Variants in STAB2 observed in about 807,000 individuals in gnomAD.
The protein encoded by STAB2 is stabilin 2.
In STAB2, 288 loss-of-function variants were observed where a neutral mutation model predicts 338.1. The observed-to-expected ratio is 0.85, with a 90% CI of 0.77 to 0.94. The LOEUF is 0.94. Ranked by LOEUF, STAB2 falls within the 40% of genes least tolerant of loss-of-function variation. The pLI, the probability that STAB2 is intolerant of heterozygous loss-of-function variation, is 0.00. For synonymous variants in STAB2, 1,202 were observed against 1,193.3 expected (o/e 1.01, Z -0.15); for missense variants, 3,141 against 3,210.1 (o/e 0.98, Z 0.52).
intron 50 of STAB2, among the ~76,000 whole-genome samples, 176 bp downstream of exon 50, chr12:103,731,811 T>A (rs1294241514): frequency 1.3e-5 from 2 of 152,216 alleles, no homozygotes; most frequent in Non-Finnish European, 2.9e-5. Flanking sequence ...CTTCTTAGAA[T>A]GTTATATGGC....
chr12:103,689,870 T>G lies in STAB2; in HGVS notation c.3070T>G (p.Ser1024Ala). 6.2e-7 allele frequency: 1 copy of G among 1,614,112 alleles called. No individual in the cohort carries two copies. The highest frequency in any genetic ancestry group is 8.5e-7 in the Non-Finnish European group (1 of 1,179,990). Residue 1024 changes from serine (S) to alanine (A), a missense_variant, in exon 29 of 69, where the codon TCA becomes GCA. Coordinates refer to ENST00000388887, the MANE Select transcript of STAB2 (RefSeq NM_017564.10). ...GAATGCTTCTCTACAACCCACACTGTCAGCCACCTCAAACCTCACTGTCCT... is the reference window on the plus strand; with the variant it reads ...GAATGCTTCTCTACAACCCACACTGGCAGCCACCTCAAACCTCACTGTCCT... ...INNASLQPTL[S>A]ATSNLTVLVP...
chr12:103,587,671 A>C, intron 1 of STAB2, 114 bp downstream of exon 1: 1 of 843,824 alleles, frequency 1.2e-6, no homozygotes, highest in Non-Finnish European at 1.8e-6. Context: ...TTTATAAAAT[A>C]CAGAGAATGT....
chr12:103,618,441 C>A (rs1489687448), intron 3 of STAB2, among the ~76,000 whole-genome samples: 1 of 152,186 alleles, frequency 6.6e-6, no homozygotes, highest in Non-Finnish European at 1.5e-5. Context: ...TTATAAGCCA[C>A]CCAGTCTAAG....
rs1881183640 is a variant in STAB2 at position 103,726,152 on chromosome 12, T to G, written c.4840T>G (p.Phe1614Val). Residue 1614 changes from phenylalanine (F) to valine (V), a missense_variant, in exon 46 of 69, where the codon TTC becomes GTC. Phe to Val is a conservative substitution (Grantham distance 50). Coordinates refer to ENST00000388887, the MANE Select transcript of STAB2 (RefSeq NM_017564.10). The stretch of plus-strand genomic sequence containing the variant: ...GAACCCGAAAACTTCCCAGTATTTC[T>G]TCCAGTTGCAGGTAGGAAATATACA... Reference protein sequence around the residue: ...PKNPKTSQYFFQLQEHFVKDL... With the variant: ...PKNPKTSQYFVQLQEHFVKDL... The G allele has an allele frequency of 1.2e-6, 2 of 1,613,984 alleles. No individual in the cohort carries two copies. Among genetic ancestry groups the G allele is most frequent in the Non-Finnish European group, 1.7e-6 (2 of 1,179,886 alleles).
chr12:103,726,886 T>C (rs1881250790), intron 46 of STAB2, among the ~76,000 whole-genome samples: 1 of 152,132 alleles, frequency 6.6e-6, no homozygotes, highest in Non-Finnish European at 1.5e-5. Context: ...GTTAAGTATA[T>C]CAACTCACGT....
At chr12:103,765,643 A>G (rs1884891584) in intron 68 of STAB2, among the ~76,000 whole-genome samples, 1 of 152,150 alleles carries the variant, frequency 6.6e-6, no homozygotes, top group South Asian at 2.1e-4. Context: ...GGCTCACTGC[A>G]AGCCTCAGGT....
At chr12:103,610,362 A>G (rs1202706975) in intron 3 of STAB2, among the ~76,000 whole-genome samples, 1 of 152,202 alleles carries the variant, frequency 6.6e-6, no homozygotes, top group East Asian at 1.9e-4. Context: ...CCTCAATTTC[A>G]GAGCCTGTTA....
chr12:103,672,392 C>T (rs1264489999), intron 22 of STAB2, among the ~76,000 whole-genome samples: 5 of 152,202 alleles, frequency 3.3e-5, no homozygotes, highest in African/African-American at 9.7e-5. Context: ...TGGGATGGGG[C>T]GGTGGCCTTC....
chr12:103,663,728 C>T (rs181061897), intron 18 of STAB2, among the ~76,000 whole-genome samples: 11 of 152,314 alleles, frequency 7.2e-5, no homozygotes, highest in South Asian at 2.1e-4. Flanking sequence ...GTTAGCTTAA[C>T]GAATTACATC....
chr12:103,647,171 A>G (rs898250855), intron 9 of STAB2, among the ~76,000 whole-genome samples: 7 of 152,204 alleles, frequency 4.6e-5, no homozygotes, highest in Non-Finnish European at 5.9e-5. Flanking sequence ...CATGAAAAAC[A>G]GATTTCAGGG....
intron 17 of STAB2, 82 bp downstream of exon 17, chr12:103,660,845 C>G: frequency 7.2e-7 from 1 of 1,392,854 alleles, no homozygotes. Context: ...TATCCTGCCT[C>G]TATGCTAACT....
At chr12:103,673,298 C>T (rs978882317) in intron 22 of STAB2, among the ~76,000 whole-genome samples, 7 of 152,046 alleles carry the variant, frequency 4.6e-5, no homozygotes, top group East Asian at 1.9e-4. Flanking sequence ...TCCTCTTCCC[C>T]ACACCCCACA....
intron 6 of STAB2, among the ~76,000 whole-genome samples, chr12:103,632,046 C>T (rs897165184): frequency 1.3e-5 from 2 of 152,108 alleles, no homozygotes; most frequent in Non-Finnish European, 2.9e-5. Context: ...GGAGATACAG[C>T]ATCTTCTCAA....
intron 3 of STAB2, among the ~76,000 whole-genome samples, chr12:103,599,040 A>G (rs1460601714): frequency 2.0e-5 from 3 of 152,200 alleles, no homozygotes; most frequent in Non-Finnish European, 4.4e-5. Context: ...ACACACCAGG[A>G]AACAGGGACT....
rs764116330 is a variant in STAB2 at position 103,740,652 on chromosome 12, ACAAC to A, written c.5779_5782del (p.Asn1927CysfsTer17). 53 of 1,612,210 alleles carry A rather than the reference ACAAC, an allele frequency of 3.3e-5. No individual in the cohort carries two copies. The highest frequency in any genetic ancestry group is 3.3e-4 in the Middle Eastern group (2 of 6,072). On this transcript the variant is annotated frameshift_variant, in exon 55 of 69. Transcript: ENST00000388887. LOFTEE classifies it high-confidence loss of function. ...TAGGGTGTGAAGCAGAAGTGTCTCT[ACAAC>A]CTGCCCTTCAAGAGGAACCTGGAAG... is the stretch of plus-strand genomic sequence containing the variant.
At chr12:103,749,724 C>T (rs1883427206) in intron 59 of STAB2, among the ~76,000 whole-genome samples, 1 of 150,956 alleles carries the variant, frequency 6.6e-6, no homozygotes, top group Non-Finnish European at 1.5e-5. Context: ...CCTGTAGTCC[C>T]AGCTACTCGG....
chr12:103,602,692 C>A (rs1473112639), intron 3 of STAB2, among the ~76,000 whole-genome samples: 1 of 151,994 alleles, frequency 6.6e-6, no homozygotes, highest in Non-Finnish European at 1.5e-5. Flanking sequence ...GCATTTTAAC[C>A]CATTTTAATT....
At chr12:103,624,689 C>G (rs1279641934) in intron 5 of STAB2, among the ~76,000 whole-genome samples, 1 of 152,078 alleles carries the variant, frequency 6.6e-6, no homozygotes, top group African/African-American at 2.4e-5. Context: ...GCCTGTAATC[C>G]CAACACTTTG....
chr12:103,611,596 T>C (rs1340659320), intron 3 of STAB2, among the ~76,000 whole-genome samples: 1 of 152,216 alleles, frequency 6.6e-6, no homozygotes, highest in African/African-American at 2.4e-5. Flanking sequence ...GCATGTGAGA[T>C]GGGTTTCCTG....
Sources: allele counts gnomAD v4.1 joint callset (sites outside exome capture counted in the v4.1 genomes callset), GRCh38; gene constraint gnomAD v4.1.1; transcripts MANE v1.5; gene names NCBI Gene and HGNC (gene_info 2026-07-23, HGNC 2026-07-21).